SRCAP: variants seen among roughly 807,000 people sequenced by gnomAD.
The protein encoded by SRCAP is Snf2 related CREBBP activator protein.
Under a neutral mutation model 263.1 loss-of-function variants are expected in SRCAP, and 46 were observed. That is an observed-to-expected ratio of 0.17 (90% CI 0.14 to 0.22). The LOEUF (loss-of-function observed/expected upper bound fraction) is 0.22, where lower values mean the gene tolerates loss of function less well. Among genes scored for constraint, SRCAP ranks in the 10% least tolerant of loss-of-function variants. The probability of loss-of-function intolerance (pLI) is 1.00; values close to 1 mark genes in which losing one functional copy is unlikely to be tolerated. For synonymous variants in SRCAP, 1,813 were observed against 1,662.1 expected (o/e 1.09, Z -2.21); for missense variants, 3,695 against 4,181.9 (o/e 0.88, Z 3.21).
rs1467866796 is a variant in SRCAP, at chr16:30,739,034, T to G, written c.8994T>G (p.Ile2998Met). ...TVANTVTTVT[I>M]STSPPKRKRG... is the part of the protein sequence containing the mutation. ...CCAACACTGTCACCACTGTCACCAT[T>G]TCAACGTCCCCACCCAAACGGAAGA... Residue 2998 changes from isoleucine (I) to methionine (M), a missense_variant, in exon 34 of 34, where the codon ATT (isoleucine) becomes ATG (methionine). Coordinates refer to ENST00000262518, the MANE Select transcript of SRCAP (RefSeq NM_006662.3). 1.5e-5 allele frequency: 24 copies of G among 1,614,018 alleles called. No homozygotes were observed. Among genetic ancestry groups the G allele is most frequent in the Non-Finnish European group, 1.9e-5 (23 of 1,180,024 alleles).
At position 30,739,139 on chromosome 16, in the gene SRCAP, C is replaced by T. The variant is rs995976815; in HGVS notation, c.9099C>T (p.Leu3033=). 1.6e-5 allele frequency: 26 copies of T among 1,614,020 alleles called. No homozygotes were observed. In the Middle Eastern group the frequency reaches 8.2e-4, roughly 51 times the overall value. ...TGGACCGTGACAGCACTTCTGTTCTCGAGAGCTGTGGATTGGGGAGGCGAC... is the reference window on the plus strand; with the variant it reads ...TGGACCGTGACAGCACTTCTGTTCTTGAGAGCTGTGGATTGGGGAGGCGAC... ...PVLDRDSTSV[L]ESCGLGRRRQ... The change falls in exon 34 of 34, where the codon CTC becomes CTT. Residue 3033 remains leucine, a synonymous_variant. Coordinates refer to ENST00000262518, the MANE Select transcript of SRCAP (RefSeq NM_006662.3).
intron 18 of SRCAP, among the ~76,000 whole-genome samples, chr16:30,719,151 C>T (rs528789363): frequency 1.3e-5 from 2 of 151,912 alleles, no homozygotes; most frequent in South Asian, 4.2e-4. Flanking sequence ...CCACCTTGGC[C>T]TCCCAAGGTA....
In SRCAP at chr16:30,724,847, T is replaced by C; in HGVS notation, c.5423T>C (p.Leu1808Pro). 1 of 1,614,096 alleles carries C rather than the reference T, an allele frequency of 6.2e-7. No homozygotes were observed. Among genetic ancestry groups the C allele is most frequent in the Non-Finnish European group, 8.5e-7 (1 of 1,179,956 alleles). ...CCGGCCGCAGCTCAGACCTTGGCGC[T>C]GGCCCCAGCCTCCACACAGTCCCCA... Reference protein sequence around the residue: ...LGPAAAQTLALAPASTQSPAS... With the variant: ...LGPAAAQTLAPAPASTQSPAS... The change falls in exon 25 of 34, where the codon CTG (leucine) becomes CCG (proline). Residue 1808 changes from leucine (L) to proline (P), a missense_variant. Transcript: ENST00000262518.
At chr16:30,718,984 C>G (rs984921341) in intron 18 of SRCAP, among the ~76,000 whole-genome samples, 9 of 151,372 alleles carry the variant, frequency 5.9e-5, no homozygotes, top group African/African-American at 2.2e-4. Flanking sequence ...GCAACCTCTG[C>G]GTCTTGGGTT....
chr16:30,703,928 G>C lies in SRCAP; in HGVS notation c.55-136G>C, dbSNP rs1032141907. ...ATAAAATAAAAACTTTATCCCGAACGTTTGTGTTTATGAAAATAAGGTTTA... is the reference window on the plus strand; with the variant it reads ...ATAAAATAAAAACTTTATCCCGAACCTTTGTGTTTATGAAAATAAGGTTTA... On this transcript the variant is annotated intron_variant, in intron 3 of 33. Transcript: ENST00000262518. The C allele has an allele frequency of 3.7e-6, 4 of 1,082,258 alleles. No homozygotes were observed. The Admixed American group carries it at 1.2e-4, about 34-fold the overall frequency. The allele number at this position is 1,082,258 out of a possible 1,614,324, so 67.0% of individuals were successfully genotyped here. A position where few individuals can be genotyped will look rare whatever the true frequency, so the allele number is the denominator to read the frequency against.
At position 30,709,588 on chromosome 16, in the gene SRCAP, G is replaced by C. The variant is rs572844193; in HGVS notation, c.709G>C (p.Val237Leu). ...CCTGGACCTGCATTTGGACTTCATT[G>C]TGGGGCAAACTGAAAAGTACTCGGA... ...KALDLHLDFI[V>L]GQTEKYSDLL... The change falls in exon 7 of 34, where the codon GTG becomes CTG. Residue 237 changes from valine to leucine, a missense_variant. Physicochemically the swap from Val to Leu is conservative, Grantham distance 32. Coordinates refer to ENST00000262518, the MANE Select transcript of SRCAP (RefSeq NM_006662.3). 34 of 1,614,058 alleles carry C rather than the reference G, an allele frequency of 2.1e-5. No individual in the cohort carries two copies. Among genetic ancestry groups the C allele is most frequent in the Non-Finnish European group, 2.9e-5 (34 of 1,180,036 alleles).
intron 30 of SRCAP, 101 bp downstream of exon 30, chr16:30,734,109 G>A (rs2053137193): frequency 4.8e-6 from 5 of 1,032,858 alleles, no homozygotes; most frequent in Non-Finnish European, 5.7e-6. Context: ...TTGGGAGGCT[G>A]AGGCAGGCGG....
intron 15 of SRCAP, 70 bp from the exon 16 acceptor site, chr16:30,713,449 G>T: frequency 6.2e-7 from 1 of 1,610,870 alleles, no homozygotes; most frequent in Non-Finnish European, 8.5e-7. Flanking sequence ...GTTGAGGAAT[G>T]TATCAGAATG....
intron 4 of SRCAP, among the ~76,000 whole-genome samples, chr16:30,706,120 C>T (rs188108938): frequency 1.3e-4 from 20 of 152,240 alleles, no homozygotes; most frequent in Non-Finnish European, 2.4e-4. Flanking sequence ...TGGTCTCTGG[C>T]TGTCATTTTC....
intron 6 of SRCAP, among the ~76,000 whole-genome samples, chr16:30,709,066 A>G (rs1181579989): frequency 6.6e-6 from 1 of 152,042 alleles, no homozygotes; most frequent in African/African-American, 2.4e-5. Flanking sequence ...TGATCCTCCC[A>G]CTTCAGCCTT....
chr16:30,722,758 C>G lies in SRCAP; in HGVS notation c.3892+10C>G, dbSNP rs755395675. On this transcript the variant is annotated intron_variant, in intron 23 of 33. Transcript: ENST00000262518. ...CTTGCTGCTAACCAGGGTGAGGCTCCTGGCCTTCCTACTTAGCCCTTGCTG... is the reference window on the plus strand; with the variant it reads ...CTTGCTGCTAACCAGGGTGAGGCTCGTGGCCTTCCTACTTAGCCCTTGCTG... 2.5e-6 allele frequency: 4 copies of G among 1,604,090 alleles called. No individual in the cohort carries two copies.
intron 6 of SRCAP, 115 bp downstream of exon 6, chr16:30,707,827 A>G (rs1043481804): frequency 7.4e-7 from 1 of 1,343,194 alleles, no homozygotes; most frequent in East Asian, 2.3e-5. Flanking sequence ...GGCAACTCTA[A>G]TGACGTTTAT....
chr16:30,734,602 A>T lies in SRCAP; in HGVS notation c.6716A>T (p.His2239Leu), dbSNP rs1485524854. The T allele has an allele frequency of 6.2e-7, 1 of 1,614,106 alleles. No homozygotes were observed. Among genetic ancestry groups the T allele is most frequent in the South Asian group, 1.1e-5 (1 of 91,082 alleles). ...GAGACTGTGGCCAGCAAGCAGACTC[A>T]TATTCTGGAGCAGGTAAAAAAAGAG... ...EEETVASKQT[H>L]ILEQALCRAE... The change falls in exon 31 of 34, where the codon CAT (histidine) becomes CTT (leucine). Residue 2239 changes from histidine to leucine, a missense_variant. Coordinates refer to ENST00000262518, the MANE Select transcript of SRCAP (RefSeq NM_006662.3).
chr16:30,721,084 A>G (rs2053006753), intron 20 of SRCAP, 105 bp from the exon 21 acceptor site: 8 of 1,537,132 alleles, frequency 5.2e-6, no homozygotes, highest in Non-Finnish European at 7.0e-6. Flanking sequence ...GGCTGGGGAC[A>G]CGGGTCTAGT....
chr16:30,717,434 C>A (rs2063081584), intron 18 of SRCAP, among the ~76,000 whole-genome samples: 1 of 151,694 alleles, frequency 6.6e-6, no homozygotes, highest in South Asian at 2.1e-4. Context: ...TTTTGATGCA[C>A]AAACACTTGT....
rs755048354 is a variant in SRCAP at position 30,709,947 on chromosome 16, G to A, written c.953G>A (p.Arg318Lys). Residue 318 changes from arginine to lysine, a missense_variant, in exon 8 of 34, where the codon AGG (arginine) becomes AAG (lysine). Transcript: ENST00000262518. ...GAAGGCAATGATGCAGAGGCCCAGA[G>A]GCGTGAGATTGAGCTGCTTCGCCGT... ...QQEGNDAEAQ[R>K]REIELLRREG... 5 of 1,614,110 alleles carry A rather than the reference G, an allele frequency of 3.1e-6. No homozygotes were observed. The African/African-American group carries it at 6.7e-5, about 22-fold the overall frequency.
chr16:30,704,418 T>C (rs1267239863), intron 4 of SRCAP, 103 bp downstream of exon 4: 5 of 1,413,990 alleles, frequency 3.5e-6, no homozygotes. Context: ...GTCATGGATT[T>C]AGGGTATAGG....
At position 30,724,791 on chromosome 16, in the gene SRCAP, C is replaced by T; in HGVS notation, c.5367C>T (p.Thr1789=). The T allele has an allele frequency of 1.2e-6, 2 of 1,613,584 alleles. No individual in the cohort carries two copies. Among genetic ancestry groups the T allele is most frequent in the Non-Finnish European group, 1.7e-6 (2 of 1,179,704 alleles). Residue 1789 remains threonine, a synonymous_variant, in exon 25 of 34, where the codon ACC becomes ACT. Coordinates refer to ENST00000262518, the MANE Select transcript of SRCAP (RefSeq NM_006662.3). The part of the protein sequence containing the change: ...LLAPASVQTL[T]LSPAPVPTLG... ...CCCCAGCTTCAGTGCAGACACTGAC[C>T]TTGAGCCCTGCCCCAGTTCCTACCC... is the stretch of plus-strand genomic sequence containing the variant.
At chr16:30,709,381 A>G in intron 6 of SRCAP, 132 bp from the exon 7 acceptor site, 1 of 862,672 alleles carries the variant, frequency 1.2e-6, no homozygotes, top group East Asian at 2.6e-5. Context: ...GTGAGCCCCT[A>G]AGGTTATTTA....
Sources: gnomAD v4.1 joint callset for allele counts (sites outside exome capture counted in the v4.1 genomes callset) on GRCh38, gnomAD v4.1.1 for gene constraint, MANE v1.5 for transcripts, NCBI Gene and HGNC (gene_info 2026-07-23, HGNC 2026-07-21) for gene names.